Variants in AMPH observed in about 807,000 individuals in gnomAD.
AMPH encodes amphiphysin (Stiff-Mann syndrome with breast cancer 128kD autoantigen).
In AMPH, 49 loss-of-function variants were observed where a neutral mutation model predicts 99.1. The observed-to-expected ratio is 0.49, with a 90% confidence interval of 0.39 to 0.63. AMPH has a LOEUF of 0.63. Ranked by LOEUF, AMPH falls within the 20% of genes least tolerant of loss-of-function variation. The probability of loss-of-function intolerance (pLI) is 0.00; values close to 1 mark genes in which losing one functional copy is unlikely to be tolerated. For missense variants in AMPH, 759 were observed against 863.4 expected (o/e 0.88, Z 1.52); for synonymous variants, 314 against 317.3 (o/e 0.99, Z 0.11).
intron 17 of AMPH, among the ~76,000 whole-genome samples, chr7:38,406,730 CCCTCTCTCTCT>C (rs1785011254): frequency 1.6e-5 from 1 of 61,324 alleles, no homozygotes; most frequent in African/African-American, 5.9e-5. Context: ...CTCTCCCTTT[CCCTCTCTCTCT>C]CTCTCTCTCT....
In AMPH at chr7:38,428,725, C is replaced by T. The variant is rs1175840653; in HGVS notation, c.1182+1117G>A. 4 of 456,836 alleles carry T rather than the reference C, an allele frequency of 8.8e-6. No individual in the cohort carries two copies. In the East Asian group the frequency reaches 2.8e-4, roughly 32 times the overall value. The allele number at this position is 456,836 out of a possible 1,614,324, so 28.3% of individuals were successfully genotyped here. A position where few individuals can be genotyped will look rare whatever the true frequency, so the allele number is the denominator to read the frequency against. On this transcript the variant is annotated intron_variant, in intron 14 of 20. Coordinates refer to ENST00000356264, the MANE Select transcript of AMPH (RefSeq NM_001635.4). Reference sequence around the variant, plus strand: ...TTGGCAGGTTTGGCTCCAAAGCCTTCTATCATTCCACAATTATTGATTACC... The same window carrying T: ...TTGGCAGGTTTGGCTCCAAAGCCTTTTATCATTCCACAATTATTGATTACC...
At chr7:38,521,381 C>T (rs1789950632) in intron 2 of AMPH, among the ~76,000 whole-genome samples, 1 of 152,028 alleles carries the variant, frequency 6.6e-6, no homozygotes, top group Non-Finnish European at 1.5e-5. Flanking sequence ...ATTAGTCAGG[C>T]GTGGTGGCAG....
At chr7:38,428,574 T>C (rs942029699) in intron 14 of AMPH, 11 of 456,618 alleles carry the variant, frequency 2.4e-5, no homozygotes, top group Admixed American at 1.9e-4. Context: ...TATCATATCA[T>C]GGTTGGGAGT....
intron 4 of AMPH, among the ~76,000 whole-genome samples, chr7:38,492,955 A>C (rs1254549098): frequency 6.6e-6 from 1 of 152,248 alleles, no homozygotes; most frequent in African/African-American, 2.4e-5. Context: ...AAATGTGAGA[A>C]GATGCAATTA....
chr7:38,401,435 G>C (rs1381012634), intron 17 of AMPH, among the ~76,000 whole-genome samples: 1 of 152,120 alleles, frequency 6.6e-6, no homozygotes, highest in Non-Finnish European at 1.5e-5. Flanking sequence ...GCCTTGATTT[G>C]AGTCATCTTC....
chr7:38,485,883 C>T (rs1788471249), intron 5 of AMPH, among the ~76,000 whole-genome samples: 1 of 151,584 alleles, frequency 6.6e-6, no homozygotes, highest in South Asian at 2.1e-4. Context: ...CCAATGGGTC[C>T]AAAAAGATAT....
At chr7:38,502,958 C>T (rs766321184) in intron 3 of AMPH, among the ~76,000 whole-genome samples, 2 of 152,186 alleles carry the variant, frequency 1.3e-5, no homozygotes, top group East Asian at 1.9e-4. Flanking sequence ...TCTTTCCCCA[C>T]AAAATCTGCC....
intron 3 of AMPH, among the ~76,000 whole-genome samples, chr7:38,502,239 G>A (rs1160966604): frequency 6.6e-6 from 1 of 152,160 alleles, no homozygotes; most frequent in Admixed American, 6.5e-5. Context: ...TGCCTTGCAA[G>A]TAACCCTTAT....
chr7:38,567,328 G>A (rs55958819), intron 1 of AMPH, among the ~76,000 whole-genome samples: 42,824 of 151,982 alleles, frequency 0.28, 6,427 homozygotes, highest in Non-Finnish European at 0.34. Flanking sequence ...CCATAGGTGG[G>A]AGCTGAACAA....
intron 5 of AMPH, among the ~76,000 whole-genome samples, chr7:38,490,844 C>T (rs1334644952): frequency 2.6e-5 from 4 of 152,108 alleles, no homozygotes. Flanking sequence ...TGAAGCAGTT[C>T]ACTAAAAGCG....
At chr7:38,630,172 G>A (rs2129074371) in intron 1 of AMPH, among the ~76,000 whole-genome samples, 1 of 152,316 alleles carries the variant, frequency 6.6e-6, no homozygotes, top group Non-Finnish European at 1.5e-5. Context: ...ATATCCTAGG[G>A]ACGGAAAATA....
chr7:38,530,707 CT>C (rs149890902), intron 2 of AMPH, among the ~76,000 whole-genome samples: 2 of 152,130 alleles, frequency 1.3e-5, no homozygotes, highest in Non-Finnish European at 2.9e-5. Flanking sequence ...ACAGTGGGAC[CT>C]TTTTTTCTGC....
intron 11 of AMPH, among the ~76,000 whole-genome samples, chr7:38,441,835 C>CATATATCATATATATCATATATATCAT (rs376039234): frequency 1.0e-4 from 12 of 119,846 alleles, no homozygotes; most frequent in Non-Finnish European, 1.6e-4. Flanking sequence ...TCATATATAT[C>CATATATCATATATATCATATATATCAT]ATATATCATA....
intron 11 of AMPH, among the ~76,000 whole-genome samples, chr7:38,443,565 A>G (rs1417787912): frequency 1.3e-5 from 2 of 152,164 alleles, no homozygotes; most frequent in Admixed American, 6.6e-5. Context: ...ACCAATAAGT[A>G]TAATTCACCA....
chr7:38,580,491 T>A (rs1381906553), intron 1 of AMPH, among the ~76,000 whole-genome samples: 1 of 152,028 alleles, frequency 6.6e-6, no homozygotes, highest in Admixed American at 6.6e-5. Flanking sequence ...ACTCTCCAGG[T>A]TGGACGTCCT....
intron 11 of AMPH, among the ~76,000 whole-genome samples, chr7:38,460,327 T>C (rs77315199): frequency 0.085 from 12,954 of 152,214 alleles, 774 homozygotes; most frequent in Middle Eastern, 0.2. Context: ...GATCCAGCAA[T>C]CCCATTATTG....
At chr7:38,567,821 T>C (rs1199112415) in intron 1 of AMPH, among the ~76,000 whole-genome samples, 2 of 152,176 alleles carry the variant, frequency 1.3e-5, no homozygotes, top group African/African-American at 2.4e-5. Flanking sequence ...ACCTCCATAG[T>C]AATAATAATA....
At chr7:38,588,128 T>A (rs2129057203) in intron 1 of AMPH, among the ~76,000 whole-genome samples, 1 of 152,120 alleles carries the variant, frequency 6.6e-6, no homozygotes, top group South Asian at 2.1e-4. Context: ...TGTTTTTGTA[T>A]CTTTTTCTAG....
intron 2 of AMPH, among the ~76,000 whole-genome samples, chr7:38,516,644 C>T: frequency 6.6e-6 from 1 of 152,240 alleles, no homozygotes. Flanking sequence ...CACTGGGGAA[C>T]TGCCTAGTGG....
Sources: gnomAD v4.1 joint callset for allele counts (sites outside exome capture counted in the v4.1 genomes callset) on GRCh38, gnomAD v4.1.1 for gene constraint, MANE v1.5 for transcripts, NCBI Gene and HGNC (gene_info 2026-07-23, HGNC 2026-07-21) for gene names.